The following YAP1 variants were observed in gnomAD, a reference collection of about 807,000 sequenced individuals.
YAP1 encodes Yes1 associated transcriptional regulator.
Under a neutral mutation model 56.9 loss-of-function variants are expected in YAP1, and 5 were observed. That is an observed-to-expected ratio of 0.09 (90% CI 0.05 to 0.18). The LOEUF is 0.18. Ranked by LOEUF, YAP1 falls within the 10% of genes least tolerant of loss-of-function variation. The pLI is 1.00. For missense variants in YAP1, 539 were observed against 651.8 expected, an observed-to-expected ratio of 0.83 and a Z score of 1.88; for synonymous variants, 265 against 248.1, an observed-to-expected ratio of 1.07 and a Z score of -0.64.
intron 1 of YAP1, among the ~76,000 whole-genome samples, chr11:102,111,962 G>A (rs1321189510): frequency 6.6e-6 from 1 of 151,984 alleles, no homozygotes; most frequent in Non-Finnish European, 1.5e-5. Flanking sequence ...CTCTTCCCTT[G>A]TGTGTTGGAA....
intron 3 of YAP1, among the ~76,000 whole-genome samples, chr11:102,179,228 C>T (rs7951261): frequency 0.033 from 5,014 of 152,158 alleles, 212 homozygotes; most frequent in African/African-American, 0.1. Flanking sequence ...ATCTTTTCTT[C>T]GAAAGAAGAC....
At position 102,206,087 on chromosome 11, in the gene YAP1, G is replaced by T. The variant is rs773626188; in HGVS notation, c.984+13G>T. On this transcript the variant is annotated intron_variant, in intron 5 of 8. Coordinates refer to ENST00000282441, the MANE Select transcript of YAP1 (RefSeq NM_001130145.3). ...ACTGCTTCGGCAGGTGAGGCCACAG[G>T]TTAGAAACCAGCCTTCCACTTTTGG... 6.2e-7 allele frequency: 1 copy of T among 1,601,296 alleles called. No homozygotes were observed. The highest frequency in any genetic ancestry group is 8.5e-7 in the Non-Finnish European group (1 of 1,171,278).
At chr11:102,204,398 A>G (rs922606301) in intron 4 of YAP1, among the ~76,000 whole-genome samples, 3 of 152,186 alleles carry the variant, frequency 2.0e-5, no homozygotes, top group African/African-American at 4.8e-5. Context: ...TTGAGGACAC[A>G]TAGATGACTA....
intron 3 of YAP1, among the ~76,000 whole-genome samples, chr11:102,183,166 A>G (rs1460127282): frequency 6.6e-6 from 1 of 152,222 alleles, no homozygotes; most frequent in African/African-American, 2.4e-5. Context: ...GAAAGGCTGA[A>G]TTAAAGAAGT....
chr11:102,139,948 T>C (rs1944911423), intron 2 of YAP1, among the ~76,000 whole-genome samples: 1 of 152,202 alleles, frequency 6.6e-6, no homozygotes, highest in Non-Finnish European at 1.5e-5. Flanking sequence ...AATTGGCTTA[T>C]CTGAATTTGG....
rs746935050 is a variant in YAP1 at position 102,230,662 on chromosome 11, T to G, written c.*722T>G. On this transcript the variant is annotated 3_prime_UTR_variant, in exon 9 of 9. Coordinates refer to ENST00000282441, the MANE Select transcript of YAP1 (RefSeq NM_001130145.3). ...CATTTTGTTCTGTTTTGTTGGGTTT[T>G]TTGTTTTTTTTGTTTTTGGCAGGGT... 3 of 152,582 alleles carry G rather than the reference T, an allele frequency of 2.0e-5. No homozygotes were observed. The highest frequency in any genetic ancestry group is 4.4e-5 in the Non-Finnish European group (3 of 68,016). 9.5% of individuals were successfully genotyped at this position (152,582 alleles called of 1,614,324 possible). A position where few individuals can be genotyped will look rare whatever the true frequency, so the allele number is the denominator to read the frequency against.
At chr11:102,143,658 C>G (rs1331223534) in intron 2 of YAP1, among the ~76,000 whole-genome samples, 1 of 152,188 alleles carries the variant, frequency 6.6e-6, no homozygotes, top group East Asian at 1.9e-4. Flanking sequence ...CTATTGCTAA[C>G]AGCAGAACAC....
At chr11:102,154,170 T>C (rs568434371) in intron 2 of YAP1, among the ~76,000 whole-genome samples, 3 of 152,198 alleles carry the variant, frequency 2.0e-5, no homozygotes, top group Non-Finnish European at 4.4e-5. Context: ...GTATTTTCAC[T>C]GACAGGATCA....
intron 4 of YAP1, among the ~76,000 whole-genome samples, chr11:102,192,139 C>T (rs961895192): frequency 7.2e-5 from 11 of 152,172 alleles, no homozygotes; most frequent in Admixed American, 2.0e-4. Context: ...AAGGAAAATT[C>T]TAATGACCAC....
At chr11:102,140,881 G>T (rs1318176294) in intron 2 of YAP1, among the ~76,000 whole-genome samples, 2 of 151,786 alleles carry the variant, frequency 1.3e-5, no homozygotes, top group Non-Finnish European at 2.9e-5. Context: ...ACGTTCTCTT[G>T]GGTTTCAGTA....
chr11:102,130,696 C>T (rs1944322300), intron 2 of YAP1, among the ~76,000 whole-genome samples: 1 of 148,598 alleles, frequency 6.7e-6, no homozygotes. Flanking sequence ...AGCCACCACA[C>T]CTGACCTCTC....
chr11:102,178,367 TC>T (rs770596895), intron 3 of YAP1, among the ~76,000 whole-genome samples: 1 of 152,170 alleles, frequency 6.6e-6, no homozygotes, highest in Non-Finnish European at 1.5e-5. Flanking sequence ...ACTTCTTTAT[TC>T]CCAAATTGTG....
intron 6 of YAP1, among the ~76,000 whole-genome samples, chr11:102,218,587 C>T (rs948789660): frequency 5.3e-5 from 8 of 152,164 alleles, no homozygotes; most frequent in South Asian, 4.1e-4. Context: ...ATAATACACT[C>T]CTGCCACCAG....
At chr11:102,137,492 T>C (rs1372090912) in intron 2 of YAP1, among the ~76,000 whole-genome samples, 3 of 152,212 alleles carry the variant, frequency 2.0e-5, no homozygotes, top group Admixed American at 1.3e-4. Flanking sequence ...GATGGGTATA[T>C]GAATGTTCGC....
At chr11:102,138,657 T>A (rs1428441141) in intron 2 of YAP1, among the ~76,000 whole-genome samples, 2 of 152,186 alleles carry the variant, frequency 1.3e-5, no homozygotes, top group Admixed American at 6.5e-5. Context: ...TTGCTTTCTC[T>A]CCCTCCCTGA....
intron 8 of YAP1, among the ~76,000 whole-genome samples, chr11:102,229,062 T>A (rs1950341945): frequency 6.6e-6 from 1 of 152,188 alleles, no homozygotes; most frequent in Non-Finnish European, 1.5e-5. Context: ...TGGTTTATGT[T>A]AGTTTTTCTG....
At chr11:102,177,702 G>T (rs945809267) in intron 3 of YAP1, among the ~76,000 whole-genome samples, 19 of 150,542 alleles carry the variant, frequency 1.3e-4, no homozygotes, top group Non-Finnish European at 2.2e-4. Context: ...AAAAGTTTAT[G>T]TGAAAGTTTT....
At chr11:102,134,990 T>TG (rs1944591793) in intron 2 of YAP1, among the ~76,000 whole-genome samples, 2 of 152,164 alleles carry the variant, frequency 1.3e-5, no homozygotes, top group South Asian at 4.2e-4. Context: ...GTGATTCTCC[T>TG]GCCTCAGCCT....
At chr11:102,228,454 G>A (rs1440123453) in intron 8 of YAP1, among the ~76,000 whole-genome samples, 4 of 151,752 alleles carry the variant, frequency 2.6e-5, no homozygotes, top group African/African-American at 9.7e-5. Flanking sequence ...GGCCAACATG[G>A]TGAAACCCTG....
Sources: allele counts gnomAD v4.1 joint callset (sites outside exome capture counted in the v4.1 genomes callset), GRCh38; gene constraint gnomAD v4.1.1; transcripts MANE v1.5; gene names NCBI Gene and HGNC (gene_info 2026-07-23, HGNC 2026-07-21).